The following SERPINB9 variants were observed in gnomAD, a reference collection of about 807,000 sequenced individuals.
SERPINB9 encodes serpin family B member 9.
SERPINB9 carries 20 observed loss-of-function variants against 27.2 expected under a neutral mutation model. The ratio of observed to expected loss-of-function variants is 0.74; its 90% CI spans 0.52 to 1.07. The LOEUF is 1.07. Among genes scored for constraint, SERPINB9 ranks in the 50% least tolerant of loss-of-function variants. SERPINB9 has a pLI of 0.00. For synonymous variants in SERPINB9, 189 were observed against 180.0 expected (o/e 1.05, Z -0.40); for missense variants, 476 against 460.1 (o/e 1.03, Z -0.32).
At position 2,894,549 on chromosome 6, in the gene SERPINB9, C is replaced by T. The variant is rs988010613; in HGVS notation, c.424+842G>A. Among the ~76,000 whole-genome samples, 5 of 152,064 alleles carry T rather than the reference C, an allele frequency of 3.3e-5. No individual in the cohort carries two copies. Among genetic ancestry groups the T allele is most frequent in the African/African-American group, 1.2e-4 (5 of 41,394 alleles). The stretch of plus-strand genomic sequence containing the variant: ...GGAAGACATGAAAAGTCAGGAGTGA[C>T]CTTAGCAGGTAAAGGTAATGGTGAT... On this transcript the variant is annotated intron_variant, in intron 4 of 6. Transcript: ENST00000380698. This position sits in a 1 kb window ranked among gnomAD's most constrained non-coding sequence, Gnocchi z 4.7.
intron 1 of SERPINB9, among the ~76,000 whole-genome samples, chr6:2,902,013 G>A (rs1768221629): frequency 6.6e-6 from 1 of 151,960 alleles, no homozygotes; most frequent in Non-Finnish European, 1.5e-5. Context: ...ATCTCCCAGG[G>A]GCCCTTAGGC....
chr6:2,890,145 G>A lies in SERPINB9; in HGVS notation c.*18C>T, dbSNP rs751330751. ...CACAGGAAGAGGGAAATGGCCGAGT[G>A]CACGGTAAGTGCACCCTTTATGGCG... On this transcript the variant is annotated 3_prime_UTR_variant, in exon 7 of 7. Coordinates refer to ENST00000380698, the MANE Select transcript of SERPINB9 (RefSeq NM_004155.6). The surrounding 1 kb of genome is among the most constrained non-coding windows in gnomAD (Gnocchi z 6.2). The A allele has an allele frequency of 1.3e-6, 2 of 1,599,554 alleles. No individual in the cohort carries two copies. Among genetic ancestry groups the A allele is most frequent in the Non-Finnish European group, 8.5e-7 (1 of 1,170,420 alleles).
rs902882839 is a variant in SERPINB9 at position 2,891,486 on chromosome 6, C to T, written c.723+347G>A. Among the ~76,000 whole-genome samples the T allele has an allele frequency of 2.0e-5, 3 of 152,144 alleles. No homozygotes were observed. The highest frequency in any genetic ancestry group is 4.4e-5 in the Non-Finnish European group (3 of 68,018). On this transcript the variant is annotated intron_variant, in intron 6 of 6. Transcript: ENST00000380698. The surrounding 1 kb of genome is among the most constrained non-coding windows in gnomAD (Gnocchi z 4.0). ...TCATCATAACTCTAGGAGGCAATAA[C>T]CCCGAGCAGTCATTTATGCTTTTAG...
Position 2,900,056 on chromosome 6 carries a change from G to A in SERPINB9, c.168+388C>T, listed in dbSNP as rs115803450. 2.8e-3 allele frequency: 1,054 copies of A among 380,366 alleles called. 6 individuals are homozygous for A. Among genetic ancestry groups the A allele is most frequent in the African/African-American group, 0.02 (952 of 47,688 alleles). The allele number at this position is 380,366 out of a possible 1,614,324, so 23.6% of individuals were successfully genotyped here. A position where few individuals can be genotyped will look rare whatever the true frequency, so the allele number is the denominator to read the frequency against. On this transcript the variant is annotated intron_variant, in intron 2 of 6. Coordinates refer to ENST00000380698, the MANE Select transcript of SERPINB9 (RefSeq NM_004155.6). ...GTTGGTACAGAAACAACTTGAAACA[G>A]GTATTAACCTTCCTTACCAATGAAA...
At chr6:2,896,280 A>C in intron 2 of SERPINB9, 90 bp from the exon 3 acceptor site, 2 of 1,192,246 alleles carry the variant, frequency 1.7e-6, no homozygotes, top group Non-Finnish European at 2.4e-6. Context: ...AGGCGAGTAA[A>C]AGATGTAGCC....
rs770288499 is a variant in SERPINB9 at position 2,890,547 on chromosome 6, C to T, written c.747G>A (p.Glu249=). Residue 249 remains glutamate (E), a synonymous_variant, in exon 7 of 7, where the codon GAG becomes GAA. Transcript: ENST00000380698. The surrounding 1 kb of genome is among the most constrained non-coding windows in gnomAD (Gnocchi z 6.2). ...CTGGCTTGGTCCAGGCTGTGAGTTT[C>T]TCAAAAGTGAGACTTTTTTCCACCT... ...LSTVEKSLTF[E]KLTAWTKPDC... 1 of 1,606,906 alleles carries T rather than the reference C, an allele frequency of 6.2e-7. No homozygotes were observed. Among genetic ancestry groups the T allele is most frequent in the Non-Finnish European group, 8.5e-7 (1 of 1,174,432 alleles).
In SERPINB9 at chr6:2,890,173, G is replaced by A. The variant is rs747552391; in HGVS notation, c.1121C>T (p.Ser374Leu). The change falls in exon 7 of 7, where the codon TCA becomes TTA. Residue 374 changes from serine (S) to leucine (L), a missense_variant. Physicochemically the swap from Ser to Leu is moderately radical, Grantham distance 145. Transcript: ENST00000380698. This position sits in a 1 kb window ranked among gnomAD's most constrained non-coding sequence, Gnocchi z 6.2. The stretch of plus-strand genomic sequence containing the variant: ...CGGTAAGTGCACCCTTTATGGCGAT[G>A]AGAACCTGCCACAGAACAGAATGCT... ...ANSILFCGRF[S>L]SP 2 of 1,612,860 alleles carry A rather than the reference G, an allele frequency of 1.2e-6. No homozygotes were observed. Among genetic ancestry groups the A allele is most frequent in the Admixed American group, 3.3e-5 (2 of 59,942 alleles).
At chr6:2,902,231 G>A (rs1289998729) in intron 1 of SERPINB9, among the ~76,000 whole-genome samples, 1 of 152,054 alleles carries the variant, frequency 6.6e-6, no homozygotes, top group Non-Finnish European at 1.5e-5. Context: ...CTCAAACACC[G>A]CGGCCCGGAG....
At position 2,891,255 on chromosome 6, in the gene SERPINB9, G is replaced by A. The variant is rs966003027; in HGVS notation, c.723+578C>T. ...GGCTGCCTCTGGTCCCACCCTCTGAGAACTGGACTTCACACCTCCCTGGAT... is the reference window on the plus strand; with the variant it reads ...GGCTGCCTCTGGTCCCACCCTCTGAAAACTGGACTTCACACCTCCCTGGAT... On this transcript the variant is annotated intron_variant, in intron 6 of 6. Coordinates refer to ENST00000380698, the MANE Select transcript of SERPINB9 (RefSeq NM_004155.6). The surrounding 1 kb of genome is among the most constrained non-coding windows in gnomAD (Gnocchi z 4.0). 6.6e-6 allele frequency among the ~76,000 whole-genome samples: 1 copy of A among 152,194 alleles called. No individual in the cohort carries two copies. Among genetic ancestry groups the A allele is most frequent in the African/African-American group, 2.4e-5 (1 of 41,444 alleles).
At chr6:2,895,047 G>A (rs1204273791) in intron 4 of SERPINB9, among the ~76,000 whole-genome samples, 1 of 152,138 alleles carries the variant, frequency 6.6e-6, no homozygotes, top group Admixed American at 6.5e-5. Flanking sequence ...GAGAGCCACC[G>A]TGGCTGGCCC....
rs1284006489 is a variant in SERPINB9 at position 2,889,031 on chromosome 6, A to G, written c.*1132T>C. ...AAGGATACAGAGATTAATAAAAATA[A>G]AAGAACTACCACGAAAGAAGTGCCC... is the stretch of plus-strand genomic sequence containing the variant. On this transcript the variant is annotated 3_prime_UTR_variant, in exon 7 of 7. Transcript: ENST00000380698. 1.3e-5 allele frequency: 2 copies of G among 152,226 alleles called. No homozygotes were observed. Among genetic ancestry groups the G allele is most frequent in the African/African-American group, 4.8e-5 (2 of 41,440 alleles). The allele number at this position is 152,226 out of a possible 1,614,324, so 9.4% of individuals were successfully genotyped here.
In SERPINB9 at chr6:2,890,624, C is replaced by T. The variant is rs1050408534; in HGVS notation, c.724-54G>A. ...TCCGACTTCAGTGCACATGTACAAG[C>T]GCACAGGCACTCACAGTTCCCTTCC... On this transcript the variant is annotated intron_variant, in intron 6 of 6. Transcript: ENST00000380698. This position sits in a 1 kb window ranked among gnomAD's most constrained non-coding sequence, Gnocchi z 6.2. The T allele has an allele frequency of 3.9e-5, 59 of 1,510,636 alleles. 2 individuals are homozygous for T. Among genetic ancestry groups the T allele is most frequent in the South Asian group, 1.7e-4 (14 of 80,716 alleles). 93.6% of individuals were successfully genotyped at this position (1,510,636 alleles called of 1,614,324 possible).
Position 2,895,383 on chromosome 6 carries a change from A to T in SERPINB9, c.424+8T>A. ...TGGGAGGAAGGTGCAATAACTTGTC[A>T]TTCTGACCTTCGGTCTTTTTTGAGA... On this transcript the variant is annotated splice_region_variant and intron_variant, in intron 4 of 6. Transcript: ENST00000380698. 1 of 1,592,860 alleles carries T rather than the reference A, an allele frequency of 6.3e-7. No individual in the cohort carries two copies. The highest frequency in any genetic ancestry group is 8.6e-7 in the Non-Finnish European group (1 of 1,164,672).
rs950716531 is a variant in SERPINB9 at position 2,900,318 on chromosome 6, G to A, written c.168+126C>T. 1.8e-5 allele frequency: 21 copies of A among 1,151,566 alleles called. No individual in the cohort carries two copies. The Admixed American group carries it at 2.3e-4, about 13-fold the overall frequency. 71.3% of individuals were successfully genotyped at this position (1,151,566 alleles called of 1,614,324 possible). On this transcript the variant is annotated intron_variant, in intron 2 of 6. Coordinates refer to ENST00000380698, the MANE Select transcript of SERPINB9 (RefSeq NM_004155.6). Reference sequence around the variant, plus strand: ...CCAGTGGACCCCGCCTCCCTGAAACGGCCAGTGCACACTCGGGCCCCAGTC... The same window carrying A: ...CCAGTGGACCCCGCCTCCCTGAAACAGCCAGTGCACACTCGGGCCCCAGTC...
chr6:2,891,720 C>T lies in SERPINB9; in HGVS notation c.723+113G>A. On this transcript the variant is annotated intron_variant, in intron 6 of 6. Coordinates refer to ENST00000380698, the MANE Select transcript of SERPINB9 (RefSeq NM_004155.6). This position sits in a 1 kb window ranked among gnomAD's most constrained non-coding sequence, Gnocchi z 4.0. ...TCGATCCCAACGCCAAGTGCCTGCA[C>T]AGTGTGCGTCTGCCGCATCGCCAAC... 1 of 1,258,440 alleles carries T rather than the reference C, an allele frequency of 7.9e-7. No individual in the cohort carries two copies. Among genetic ancestry groups the T allele is most frequent in the Non-Finnish European group, 1.1e-6 (1 of 921,122 alleles). The allele number at this position is 1,258,440 out of a possible 1,614,324, so 78.0% of individuals were successfully genotyped here. A position where few individuals can be genotyped will look rare whatever the true frequency, so the allele number is the denominator to read the frequency against.
chr6:2,897,220 C>A (rs1362695604), intron 2 of SERPINB9, among the ~76,000 whole-genome samples: 4 of 152,004 alleles, frequency 2.6e-5, no homozygotes, highest in Non-Finnish European at 5.9e-5. Context: ...AATCCCAGCA[C>A]TTTGGGGGGC....
At chr6:2,896,819 T>C (rs1257469851) in intron 2 of SERPINB9, among the ~76,000 whole-genome samples, 3 of 152,224 alleles carry the variant, frequency 2.0e-5, no homozygotes, top group Non-Finnish European at 2.9e-5. Flanking sequence ...CTTTTCTAAA[T>C]AATTAACTCT....
At chr6:2,902,555 T>C (rs2113621059) in intron 1 of SERPINB9, among the ~76,000 whole-genome samples, 1 of 152,380 alleles carries the variant, frequency 6.6e-6, no homozygotes, top group East Asian at 1.9e-4. Context: ...AGTCTCACTC[T>C]GTCTGCCAGG....
Position 2,900,431 on chromosome 6 carries a change from C to T in SERPINB9, c.168+13G>A, listed in dbSNP as rs771598267. On this transcript the variant is annotated intron_variant, in intron 2 of 6. Coordinates refer to ENST00000380698, the MANE Select transcript of SERPINB9 (RefSeq NM_004155.6). ...CAGGCCAGTCCCTGCTCCTGGCGGA[C>T]GGGCAAGCTTACCTGGGCCATCTGG... is the stretch of plus-strand genomic sequence containing the variant. The T allele has an allele frequency of 3.2e-5, 51 of 1,612,760 alleles. 1 individual carries two copies. The East Asian group carries it at 5.1e-4, about 16-fold the overall frequency.
Sources: allele counts gnomAD v4.1 joint callset (sites outside exome capture counted in the v4.1 genomes callset), GRCh38; gene constraint gnomAD v4.1.1; non-coding constraint Gnocchi (gnomAD v3.1); transcripts MANE v1.5; gene names NCBI Gene and HGNC (gene_info 2026-07-23, HGNC 2026-07-21).